The following PHYKPL variants were observed in gnomAD, a reference collection of about 807,000 sequenced individuals.
PHYKPL encodes 5-phosphohydroxy-L-lysine phospho-lyase, also known as 5-phosphonooxy-L-lysine phospho-lyase.
PHYKPL carries 42 observed loss-of-function variants against 51.3 expected under a neutral mutation model. The ratio of observed to expected loss-of-function variants is 0.82; its 90% CI spans 0.64 to 1.06. PHYKPL has a LOEUF of 1.06. Ranked by LOEUF, PHYKPL falls within the 50% of genes least tolerant of loss-of-function variation. The pLI, the probability that PHYKPL is intolerant of heterozygous loss-of-function variation, is 0.00. For missense variants in PHYKPL, 655 were observed against 586.6 expected (o/e 1.12, Z -1.20); for synonymous variants, 264 against 236.0 (o/e 1.12, Z -1.09).
chr5:178,231,924 G>A lies in PHYKPL; in HGVS notation c.60-401C>T, dbSNP rs1165089382. The A allele has an allele frequency of 3.9e-6, 5 of 1,278,590 alleles. No individual in the cohort carries two copies. In the African/African-American group the frequency reaches 4.6e-5, roughly 12 times the overall value. The allele number at this position is 1,278,590 out of a possible 1,614,324, so 79.2% of individuals were successfully genotyped here. ...GGTGCCTGGCTCTCAGCCCTAAACA[G>A]CTCCTTGCCAGCCACGTGGCCCTGC... On this transcript the variant is annotated intron_variant, in intron 1 of 12. Coordinates refer to ENST00000308158, the MANE Select transcript of PHYKPL (RefSeq NM_153373.4).
chr5:178,213,176 G>A lies in PHYKPL; in HGVS notation c.1173-73C>T, dbSNP rs1009723676. On this transcript the variant is annotated intron_variant, in intron 10 of 12. Transcript: ENST00000308158. ...GCCTGGCCTTGGCCTCATGTCCAGT[G>A]CTCCAGCCACACTGTCCTCAGAGCC... The A allele has an allele frequency of 8.7e-5, 137 of 1,575,472 alleles. No individual in the cohort carries two copies. The East Asian group carries it at 2.0e-3, about 23-fold the overall frequency.
downstream of PHYKPL, chr5:178,207,302 G>GC: frequency 6.4e-7 from 1 of 1,550,782 alleles, no homozygotes. Context: ...TAGGGGTTGG[G>GC]CCTCATGCAG....
intron 8 of PHYKPL, among the ~76,000 whole-genome samples, chr5:178,218,058 A>T: frequency 8.1e-6 from 1 of 123,094 alleles, no homozygotes; most frequent in Non-Finnish European, 1.7e-5. Context: ...TCTACTAAAA[A>T]ATACAAAAAT....
intron 2 of PHYKPL, 150 bp downstream of exon 2, chr5:178,231,255 A>G: frequency 1.5e-6 from 2 of 1,318,184 alleles, no homozygotes; most frequent in Non-Finnish European, 2.1e-6. Context: ...CCACAGCTAT[A>G]TTGCGAAGGC....
In PHYKPL at chr5:178,214,796, C is replaced by G; in HGVS notation, c.1172G>C (p.Arg391Thr). 2 of 1,613,888 alleles carry G rather than the reference C, an allele frequency of 1.2e-6. No individual in the cohort carries two copies. Among genetic ancestry groups the G allele is most frequent in the South Asian group, 2.2e-5 (2 of 91,074 alleles). ...ATEEAAYLVS[R>T]LKENYVLLST... ...GCAACTTGTTTCAAGAAGAAAATAC[C>G]TTGATACCAAGTAGGCAGCCTCTTC... The change falls in exon 10 of 13, where the codon AGG becomes ACG. Residue 391 changes from arginine (R) to threonine (T), a missense_variant and splice_region_variant. Coordinates refer to ENST00000308158, the MANE Select transcript of PHYKPL (RefSeq NM_153373.4).
intron 8 of PHYKPL, 149 bp from the exon 9 acceptor site, chr5:178,215,579 A>G: frequency 2.2e-6 from 2 of 921,466 alleles, no homozygotes; most frequent in Non-Finnish European, 3.1e-6. Context: ...AGTCCTCAGC[A>G]GTAGTAAGTG....
In PHYKPL at chr5:178,222,983, C is replaced by T. The variant is rs751904221; in HGVS notation, c.619-49G>A. 5 of 1,588,316 alleles carry T rather than the reference C, an allele frequency of 3.1e-6. No individual in the cohort carries two copies. In the Admixed American group the frequency reaches 8.5e-5, roughly 27 times the overall value. ...ACACGACCATGGGGTTGTGCAGTGA[C>T]CGGCTTAGCGTGCCCTGCTAGTGCT... is the stretch of plus-strand genomic sequence containing the variant. On this transcript the variant is annotated intron_variant, in intron 6 of 12. Coordinates refer to ENST00000308158, the MANE Select transcript of PHYKPL (RefSeq NM_153373.4).
rs1757261085 is a variant in PHYKPL at position 178,208,711 on chromosome 5, G to A, written c.*236C>T. 1 of 152,388 alleles carries A rather than the reference G, an allele frequency of 6.6e-6. No individual in the cohort carries two copies. The highest frequency in any genetic ancestry group is 1.5e-5 in the Non-Finnish European group (1 of 68,242). 9.4% of individuals were successfully genotyped at this position (152,388 alleles called of 1,614,324 possible). On this transcript the variant is annotated 3_prime_UTR_variant, in exon 13 of 13. Transcript: ENST00000308158. ...CCCACCCTACCCCATTCCACCCCCA[G>A]TGGACAGAAAGGAAATTGACTGACT...
At chr5:178,210,737 A>G (rs1359607988) in intron 12 of PHYKPL, 5 of 789,254 alleles carry the variant, frequency 6.3e-6, no homozygotes, top group Admixed American at 4.1e-5. Flanking sequence ...TCCCATGTGC[A>G]TCTTATTTAA....
At position 178,222,881 on chromosome 5, in the gene PHYKPL, G is replaced by GGGAATGATC; in HGVS notation, c.663_671dup (p.Ile222_Pro224dup). 6.2e-7 allele frequency: 1 copy of GGGAATGATC among 1,614,174 alleles called. No homozygotes were observed. The highest frequency in any genetic ancestry group is 8.5e-7 in the Non-Finnish European group (1 of 1,180,020). On this transcript the variant is annotated inframe_insertion, in exon 7 of 13. Coordinates refer to ENST00000308158, the MANE Select transcript of PHYKPL (RefSeq NM_153373.4). ...CCACTTGGGAGAAGTAGCCAGCAGG[G>GGGAATGATC]GGAATGATCTGCCCTCCCACACTGG...
In PHYKPL at chr5:178,212,857, G is replaced by A. The variant is rs572411911; in HGVS notation, c.1303+116C>T. 2.4e-4 allele frequency: 340 copies of A among 1,417,452 alleles called. 2 individuals are homozygous for A. In the South Asian group the frequency reaches 4.3e-3, roughly 18 times the overall value. 87.8% of individuals were successfully genotyped at this position (1,417,452 alleles called of 1,614,324 possible). A position where few individuals can be genotyped will look rare whatever the true frequency, so the allele number is the denominator to read the frequency against. ...CTCTTGCTCCCTGCCCTGTCCAGAG[G>A]ACATGTGCCTCTGCTCTTGGACTCT... On this transcript the variant is annotated intron_variant, in intron 11 of 12. Coordinates refer to ENST00000308158, the MANE Select transcript of PHYKPL (RefSeq NM_153373.4).
chr5:178,225,583 C>T (rs565576682), intron 3 of PHYKPL, 154 bp from the exon 4 acceptor site: 90 of 667,546 alleles, frequency 1.3e-4, no homozygotes, highest in East Asian at 1.2e-3. Context: ...TATCAAATGC[C>T]TCCTATGTAC....
intron 12 of PHYKPL, chr5:178,211,191 T>A (rs2961675): frequency 0.13 from 19,704 of 150,286 alleles, 1,348 homozygotes; most frequent in South Asian, 0.21. Context: ...ATATGCTGTG[T>A]GAGACCTCTT....
In PHYKPL at chr5:178,224,653, A is replaced by C; in HGVS notation, c.490T>G (p.Trp164Gly). ...KFRNLDGQKEWVHVAPLPDTY... is the reference protein window; with the variant it reads ...KFRNLDGQKEGVHVAPLPDTY... ...TGGGCAGTGCATACCACGTGGACCC[A>C]CTCCTTCTGGCCATCCAGGTTGCGG... The change falls in exon 5 of 13, where the codon TGG becomes GGG. Residue 164 changes from tryptophan (W) to glycine (G), a missense_variant. Physicochemically the swap from Trp to Gly is radical, Grantham distance 184. Transcript: ENST00000308158. 6.2e-7 allele frequency: 1 copy of C among 1,613,840 alleles called. No homozygotes were observed. Among genetic ancestry groups the C allele is most frequent in the Non-Finnish European group, 8.5e-7 (1 of 1,179,958 alleles).
chr5:178,214,957 C>G, intron 9 of PHYKPL, 72 bp from the exon 10 acceptor site: 1 of 1,425,034 alleles, frequency 7.0e-7, no homozygotes, highest in South Asian at 1.2e-5. Flanking sequence ...AGCCTCTGGG[C>G]TCCTACCTGT....
intron 8 of PHYKPL, chr5:178,215,658 A>C: frequency 1.8e-6 from 1 of 552,598 alleles, no homozygotes; most frequent in Non-Finnish European, 3.2e-6. Context: ...GGTATCCCTG[A>C]AGTACAGTAG....
At chr5:178,218,552 G>C (rs1373128595) in intron 8 of PHYKPL, among the ~76,000 whole-genome samples, 2 of 152,180 alleles carry the variant, frequency 1.3e-5, no homozygotes, top group East Asian at 3.8e-4. Context: ...GGTACAGCGA[G>C]AAGCTGGCTG....
chr5:178,215,551 A>C, intron 8 of PHYKPL, 121 bp from the exon 9 acceptor site: 1 of 1,254,618 alleles, frequency 8.0e-7, no homozygotes, highest in South Asian at 1.5e-5. Flanking sequence ...CAGAGGCCCC[A>C]AACCCCTTAG....
At chr5:178,222,698 C>T (rs2113889605) in intron 7 of PHYKPL, 118 bp from the exon 8 acceptor site, 21 of 1,344,238 alleles carry the variant, frequency 1.6e-5, no homozygotes, top group Middle Eastern at 3.7e-4. Context: ...GGACCTTGGG[C>T]AATGGCTGGC....
Sources: gnomAD v4.1 joint callset for allele counts (sites outside exome capture counted in the v4.1 genomes callset) on GRCh38, gnomAD v4.1.1 for gene constraint, MANE v1.5 for transcripts, NCBI Gene and HGNC (gene_info 2026-07-23, HGNC 2026-07-21) for gene names.